The following PTPRT variants were observed in gnomAD, a reference collection of about 807,000 sequenced individuals.
The protein encoded by PTPRT is protein tyrosine phosphatase receptor type T.
A neutral mutation model predicts 176.8 loss-of-function variants in PTPRT; 56 were observed. The observed-to-expected ratio is 0.32, with a 90% CI of 0.26 to 0.40. The LOEUF is 0.40. Among genes scored for constraint, PTPRT ranks in the 10% least tolerant of loss-of-function variants. The pLI is 1.00. For missense variants in PTPRT, 1,540 were observed against 1,908.2 expected, an observed-to-expected ratio of 0.81 and a Z score of 3.60; for synonymous variants, 783 against 739.0, an observed-to-expected ratio of 1.06 and a Z score of -0.96.
At chr20:42,228,905 A>G (rs56367639) in intron 15 of PTPRT, among the ~76,000 whole-genome samples, 1,669 of 152,328 alleles carry the variant, frequency 0.011, 33 homozygotes, top group African/African-American at 0.039. Flanking sequence ...ATGAATTAGT[A>G]AGTCAATGGG....
chr20:42,882,191 A>G (rs6030541), intron 2 of PTPRT, among the ~76,000 whole-genome samples: 2 of 152,194 alleles, frequency 1.3e-5, no homozygotes, highest in African/African-American at 4.8e-5. Flanking sequence ...ATTTCAGCCT[A>G]TGCCCATAAG....
At chr20:42,445,866 C>G (rs1260535874) in intron 9 of PTPRT, among the ~76,000 whole-genome samples, 3 of 152,194 alleles carry the variant, frequency 2.0e-5, no homozygotes, top group African/African-American at 7.2e-5. Context: ...CACCTTTGTG[C>G]ATGGGGCTTC....
chr20:42,679,332 G>A (rs1481806806), intron 6 of PTPRT, among the ~76,000 whole-genome samples: 1 of 151,680 alleles, frequency 6.6e-6, no homozygotes, highest in Non-Finnish European at 1.5e-5. Flanking sequence ...AAGAAATCAG[G>A]TCACCTAACC....
chr20:42,928,378 T>G (rs1440304163), intron 1 of PTPRT, among the ~76,000 whole-genome samples: 1 of 152,208 alleles, frequency 6.6e-6, no homozygotes, highest in African/African-American at 2.4e-5. Flanking sequence ...CACAGATGAC[T>G]GCATCTGTCT....
At chr20:42,708,325 G>C (rs931681247) in intron 6 of PTPRT, among the ~76,000 whole-genome samples, 4 of 152,128 alleles carry the variant, frequency 2.6e-5, no homozygotes, top group Non-Finnish European at 4.4e-5. Flanking sequence ...TGAACAGACA[G>C]GATAGACTCT....
chr20:42,255,906 A>G, intron 13 of PTPRT, among the ~76,000 whole-genome samples: 1 of 152,190 alleles, frequency 6.6e-6, no homozygotes, highest in South Asian at 2.1e-4. Context: ...TAAAACATAC[A>G]GTTGTTTCTC....
At chr20:42,653,809 C>T (rs1198456966) in intron 7 of PTPRT, among the ~76,000 whole-genome samples, 1 of 152,160 alleles carries the variant, frequency 6.6e-6, no homozygotes, top group Non-Finnish European at 1.5e-5. Flanking sequence ...AAAACTAACC[C>T]ACAGTTTATC....
intron 1 of PTPRT, among the ~76,000 whole-genome samples, chr20:43,142,808 C>T (rs1322383376): frequency 1.3e-5 from 2 of 152,164 alleles, no homozygotes; most frequent in Non-Finnish European, 2.9e-5. Flanking sequence ...TGGTAACTGC[C>T]CAGTGGAGTC....
chr20:42,416,033 C>A (rs1442153269), intron 9 of PTPRT, among the ~76,000 whole-genome samples: 1 of 152,188 alleles, frequency 6.6e-6, no homozygotes, highest in Non-Finnish European at 1.5e-5. Context: ...CTAAAAGATA[C>A]ATCTGCTCAG....
intron 1 of PTPRT, among the ~76,000 whole-genome samples, chr20:43,180,506 C>T (rs2015230566): frequency 6.6e-6 from 1 of 151,680 alleles, no homozygotes; most frequent in African/African-American, 2.4e-5. Flanking sequence ...TCTTGTCTCC[C>T]GGGCAGGAGT....
At chr20:42,815,686 A>G (rs922298587) in intron 2 of PTPRT, among the ~76,000 whole-genome samples, 1 of 152,208 alleles carries the variant, frequency 6.6e-6, no homozygotes, top group Non-Finnish European at 1.5e-5. Flanking sequence ...TGAAATGATC[A>G]TAAGTGGATT....
intron 13 of PTPRT, among the ~76,000 whole-genome samples, chr20:42,269,483 G>A (rs2056894299): frequency 6.6e-6 from 1 of 152,206 alleles, no homozygotes; most frequent in South Asian, 2.1e-4. Context: ...TGACTAAAAA[G>A]GGACCCTGTA....
chr20:43,033,660 G>A (rs1260324084), intron 1 of PTPRT, among the ~76,000 whole-genome samples: 1 of 152,138 alleles, frequency 6.6e-6, no homozygotes, highest in African/African-American at 2.4e-5. Context: ...TTTCACAGAG[G>A]TATTTACAAA....
intron 2 of PTPRT, among the ~76,000 whole-genome samples, chr20:42,813,690 G>A (rs1319640924): frequency 1.3e-5 from 2 of 152,042 alleles, no homozygotes; most frequent in East Asian, 3.9e-4. Flanking sequence ...TCTTTATTCT[G>A]TCTGATTTCT....
chr20:42,281,724 G>A (rs752008840), intron 13 of PTPRT, among the ~76,000 whole-genome samples: 8 of 152,154 alleles, frequency 5.3e-5, no homozygotes, highest in African/African-American at 1.9e-4. Flanking sequence ...TAAATTCAGG[G>A]AACAGAGTAG....
intron 7 of PTPRT, among the ~76,000 whole-genome samples, chr20:42,551,451 G>A (rs1369211531): frequency 6.6e-6 from 1 of 152,108 alleles, no homozygotes; most frequent in Non-Finnish European, 1.5e-5. Flanking sequence ...AAGCATAATT[G>A]ATGCTGCCTA....
intron 7 of PTPRT, among the ~76,000 whole-genome samples, chr20:42,624,005 C>CAAAAAAAAAAA (rs1159094345): frequency 7.4e-5 from 10 of 135,686 alleles, no homozygotes; most frequent in African/African-American, 3.2e-4. Context: ...AAAACAATAG[C>CAAAAAAAAAAA]AACAAACAAA....
In PTPRT at chr20:42,942,029, AG is replaced by A. The variant is rs532984874; in HGVS notation, c.89-56098del. On this transcript the variant is annotated intron_variant, in intron 1 of 30. Coordinates refer to ENST00000373187, the MANE Select transcript of PTPRT (RefSeq NM_007050.6). ...CAAAATGCAACTCTTTACAAGGGAT[AG>A]GGGTAGGAGAAAAGGGTTGAGCCCG... 2.7e-3 allele frequency among the ~76,000 whole-genome samples: 418 copies of A among 152,066 alleles called. 1 individual carries two copies. The highest frequency in any genetic ancestry group is 4.4e-3 in the Non-Finnish European group (300 of 67,974).
At chr20:42,350,508 G>A (rs944624585) in intron 11 of PTPRT, 120 bp downstream of exon 11, 3 of 858,622 alleles carry the variant, frequency 3.5e-6, no homozygotes, top group Admixed American at 2.0e-5. Flanking sequence ...TCCTTCCTCC[G>A]AGGAAGCTTT....
Sources: allele counts gnomAD v4.1 joint callset (sites outside exome capture counted in the v4.1 genomes callset), GRCh38; gene constraint gnomAD v4.1.1; transcripts MANE v1.5; gene names NCBI Gene and HGNC (gene_info 2026-07-23, HGNC 2026-07-21).